TASOR2: variants seen among roughly 807,000 people sequenced by gnomAD.
TASOR2 encodes protein TASOR 2.
TASOR2 carries 84 observed loss-of-function variants against 199.5 expected under a neutral mutation model. That is an observed-to-expected ratio of 0.42 (90% CI 0.35 to 0.50). The LOEUF (loss-of-function observed/expected upper bound fraction) is 0.50, where lower values mean the gene tolerates loss of function less well. TASOR2 is among the 20% of genes least tolerant of loss of function. TASOR2 has a pLI of 0.02. For synonymous variants in TASOR2, 1,103 were observed against 1,046.6 expected (o/e 1.05, Z -1.04); for missense variants, 2,796 against 2,835.9 (o/e 0.99, Z 0.32).
At position 5,748,709 on chromosome 10, in the gene TASOR2, C is replaced by G; in HGVS notation, c.5288C>G (p.Thr1763Ser). The G allele has an allele frequency of 6.2e-7, 1 of 1,614,210 alleles. No individual in the cohort carries two copies. Among genetic ancestry groups the G allele is most frequent in the Non-Finnish European group, 8.5e-7 (1 of 1,180,036 alleles). The change falls in exon 15 of 21, where the codon ACC (threonine) becomes AGC (serine). Residue 1763 changes from threonine to serine, a missense_variant. Transcript: ENST00000328090. The surrounding 1 kb of genome is among the most constrained non-coding windows in gnomAD (Gnocchi z 5.1). ...GGTCCCTACCAAAATACAGCAGACA[C>G]CAAGGAAAACCTCAGTAAAGAGCCT...
chr10:5,733,096 C>T (rs1009519225), intron 11 of TASOR2, among the ~76,000 whole-genome samples: 1 of 152,134 alleles, frequency 6.6e-6, no homozygotes, highest in Non-Finnish European at 1.5e-5. Context: ...ATTATATCCA[C>T]TGTAAGAAAT....
chr10:5,711,539 T>C (rs931299650), intron 1 of TASOR2, among the ~76,000 whole-genome samples: 11 of 151,970 alleles, frequency 7.2e-5, no homozygotes, highest in Admixed American at 7.2e-4. Flanking sequence ...AATAGGAGAG[T>C]GAACAGTTAA....
At chr10:5,757,538 C>G (rs769918929) in exon 17 of TASOR2, 1 of 1,605,884 alleles carries the variant, frequency 6.2e-7, no homozygotes, top group Non-Finnish European at 8.5e-7. Flanking sequence ...TTTGCTGAAG[C>G]TGAAGCATTT....
chr10:5,725,390 C>CAAAA lies in TASOR2; in HGVS notation c.351+885_351+888dup, dbSNP rs59186946. Among the ~76,000 whole-genome samples, 22 of 78,970 alleles carry CAAAA rather than the reference C, an allele frequency of 2.8e-4. 1 individual carries two copies. Among genetic ancestry groups the CAAAA allele is most frequent in the African/African-American group, 3.7e-4 (6 of 16,410 alleles). The allele number at this position is 78,970 out of a possible 152,430, so 51.8% of individuals were successfully genotyped here. ...TGGGCGATAGAGCAAGACTCCATCT[C>CAAAA]AAAAAAAAAAAAAAAAAAAAAAAAA... On this transcript the variant is annotated intron_variant, in intron 8 of 20. Coordinates refer to ENST00000328090, the Ensembl canonical transcript of TASOR2.
rs374385065 is a variant in TASOR2, at chr10:5,748,163, T to G, written c.4742T>G (p.Val1581Gly). 2.5e-6 allele frequency: 4 copies of G among 1,614,130 alleles called. No individual in the cohort carries two copies. Among genetic ancestry groups the G allele is most frequent in the African/African-American group, 2.7e-5 (2 of 74,942 alleles). ...GAACCTCCATTTGGTCCTAGAAATG[T>G]TATTGAAAATAAGTCTTTGTCTGAC... The change falls in exon 15 of 21, where the codon GTT becomes GGT. Residue 1581 changes from valine (V) to glycine (G), a missense_variant. Around this residue, in one of 3 missense-constraint regions of TASOR2, gnomAD observed 1,941 missense variants for 1,924.9 expected, o/e 1.01. Transcript: ENST00000328090. This position sits in a 1 kb window ranked among gnomAD's most constrained non-coding sequence, Gnocchi z 5.1.
chr10:5,730,103 A>G lies in TASOR2; in HGVS notation c.488-384A>G, dbSNP rs1834605767. ...CAGCTACAGTAAAATAAATTTTAAA[A>G]CAAAATAAGAAAAAGTACGAAAGCA... is the stretch of plus-strand genomic sequence containing the variant. On this transcript the variant is annotated intron_variant, in intron 10 of 20. Transcript: ENST00000328090. The surrounding 1 kb of genome is among the most constrained non-coding windows in gnomAD (Gnocchi z 4.1). 6.6e-6 allele frequency among the ~76,000 whole-genome samples: 1 copy of G among 152,244 alleles called. No homozygotes were observed.
intron 3 of TASOR2, among the ~76,000 whole-genome samples, 190 bp downstream of exon 4, chr10:5,717,940 T>C (rs1261005296): frequency 2.0e-5 from 3 of 152,226 alleles, no homozygotes; most frequent in African/African-American, 7.2e-5. Context: ...TGTAAACTTT[T>C]TTTTAACTTC....
chr10:5,756,932 A>G (rs1839048471), intron 16 of TASOR2, among the ~76,000 whole-genome samples, 194 bp downstream of exon 17: 1 of 152,242 alleles, frequency 6.6e-6, no homozygotes, highest in South Asian at 2.1e-4. Flanking sequence ...GGTTAAAAAA[A>G]TCATATTAAC....
Position 5,757,509 on chromosome 10 carries a change from G to C in TASOR2, c.6733-11G>C. On this transcript the variant is annotated splice_polypyrimidine_tract_variant and intron_variant, in intron 16 of 20. Coordinates refer to ENST00000328090, the Ensembl canonical transcript of TASOR2. ...GCCTCTCTTCACCGGGGTCCTTTTT[G>C]TGTCATGCAGATTCCTTCTTTGCTG... The C allele has an allele frequency of 6.3e-7, 1 of 1,587,446 alleles. No individual in the cohort carries two copies.
At chr10:5,721,008 A>G (rs747447728) in intron 6 of TASOR2, 38 bp downstream of exon 7, 4 of 1,526,732 alleles carry the variant, frequency 2.6e-6, no homozygotes, top group South Asian at 1.2e-5. Flanking sequence ...TAATGCTTAT[A>G]TTACAAGTTT....
At position 5,690,361 on chromosome 10, in the gene TASOR2, C is replaced by G. The variant is rs916009198; in HGVS notation, c.-288+5186C>G. On this transcript the variant is annotated intron_variant, in intron 1 of 20. Coordinates refer to ENST00000328090, the Ensembl canonical transcript of TASOR2. The surrounding 1 kb of genome is among the most constrained non-coding windows in gnomAD (Gnocchi z 4.8). The stretch of plus-strand genomic sequence containing the variant: ...ATATTTTGTATAAAGATTCACTACC[C>G]TCCTTGGCATGGTGAAATAGACCCT... 5.9e-5 allele frequency among the ~76,000 whole-genome samples: 9 copies of G among 152,172 alleles called. No homozygotes were observed. Among genetic ancestry groups the G allele is most frequent in the Admixed American group, 3.3e-4 (5 of 15,280 alleles).
intron 14 of TASOR2, among the ~76,000 whole-genome samples, chr10:5,745,506 A>C (rs1837063294): frequency 6.6e-6 from 1 of 152,198 alleles, no homozygotes; most frequent in African/African-American, 2.4e-5. Context: ...TAGGCTGGGC[A>C]CAGTGGCTCA....
At position 5,748,689 on chromosome 10, in the gene TASOR2, C is replaced by T. The variant is rs769468928; in HGVS notation, c.5268C>T (p.Pro1756=). The change falls in exon 15 of 21, where the codon CCC becomes CCT. Residue 1756 remains proline, a synonymous_variant. Coordinates refer to ENST00000328090, the Ensembl canonical transcript of TASOR2. This position sits in a 1 kb window ranked among gnomAD's most constrained non-coding sequence, Gnocchi z 5.1. ...GGGTTTCCTCCCTTTGTGCTGGTCC[C>T]TACCAAAATACAGCAGACACCAAGG... is the stretch of plus-strand genomic sequence containing the variant. 8 of 1,614,088 alleles carry T rather than the reference C, an allele frequency of 5.0e-6. No homozygotes were observed. In the African/African-American group the frequency reaches 5.3e-5, roughly 11 times the overall value.
At position 5,750,117 on chromosome 10, in the gene TASOR2, AATC is replaced by A. The variant is rs1837819337; in HGVS notation, c.6606+93_6606+95del. 6.6e-6 allele frequency: 9 copies of A among 1,363,560 alleles called. No individual in the cohort carries two copies. Among genetic ancestry groups the A allele is most frequent in the South Asian group, 1.5e-5 (1 of 64,608 alleles). The allele number at this position is 1,363,560 out of a possible 1,614,324, so 84.5% of individuals were successfully genotyped here. ...TTTAGCATATTAGCCATCAAAAAGA[AATC>A]ATGGTATGACATAGTATTTAAATTT... is the stretch of plus-strand genomic sequence containing the variant. On this transcript the variant is annotated intron_variant, in intron 15 of 20. Transcript: ENST00000328090. The surrounding 1 kb of genome is among the most constrained non-coding windows in gnomAD (Gnocchi z 5.4).
chr10:5,745,372 G>A (rs761810929), intron 14 of TASOR2, among the ~76,000 whole-genome samples: 1 of 152,222 alleles, frequency 6.6e-6, no homozygotes, highest in Non-Finnish European at 1.5e-5. Context: ...AATGTATTCT[G>A]AGTACAGGGG....
exon 15 of TASOR2, chr10:5,747,828 G>T: frequency 6.2e-7 from 1 of 1,613,816 alleles, no homozygotes; most frequent in Non-Finnish European, 8.5e-7. Context: ...ACTTTACCCA[G>T]GTACAACAAA....
Position 5,698,830 on chromosome 10 carries a change from A to G in TASOR2, c.-288+13655A>G, listed in dbSNP as rs1050879906. On this transcript the variant is annotated intron_variant, in intron 1 of 20. Coordinates refer to ENST00000328090, the Ensembl canonical transcript of TASOR2. This position sits in a 1 kb window ranked among gnomAD's most constrained non-coding sequence, Gnocchi z 4.4. ...GCTGTAATCAAAAAGACAGATAATA[A>G]CAAGTGTTGGTAATGCTGTGAAAAA... is the stretch of plus-strand genomic sequence containing the variant. Among the ~76,000 whole-genome samples, 2 of 152,344 alleles carry G rather than the reference A, an allele frequency of 1.3e-5. No individual in the cohort carries two copies. Among genetic ancestry groups the G allele is most frequent in the East Asian group, 3.9e-4 (2 of 5,190 alleles).
chr10:5,696,136 G>A (rs1285143094), intron 1 of TASOR2, among the ~76,000 whole-genome samples: 3 of 152,136 alleles, frequency 2.0e-5, no homozygotes, highest in African/African-American at 7.2e-5. Flanking sequence ...AACCTAGAGC[G>A]GTTGTCTTTT....
chr10:5,709,232 G>A (rs528493016), intron 1 of TASOR2, among the ~76,000 whole-genome samples: 1 of 152,214 alleles, frequency 6.6e-6, no homozygotes, highest in East Asian at 1.9e-4. Flanking sequence ...GTGGTTCTGT[G>A]ATCTCTTCAT....
Sources: allele counts gnomAD v4.1 joint callset (sites outside exome capture counted in the v4.1 genomes callset), GRCh38; gene constraint gnomAD v4.1.1; regional missense constraint gnomAD v4.1.1; non-coding constraint Gnocchi (gnomAD v3.1); transcripts MANE v1.5; gene names NCBI Gene and HGNC (gene_info 2026-07-23, HGNC 2026-07-21).